The following FOXO3 variants were observed in gnomAD, a reference collection of about 807,000 sequenced individuals.
FOXO3 encodes the protein forkhead box O3, also known as forkhead box protein O3.
In FOXO3, 4 loss-of-function variants were observed where a neutral mutation model predicts 41.9. The ratio of observed to expected loss-of-function variants is 0.10; its 90% CI spans 0.05 to 0.22. FOXO3 has a LOEUF of 0.22. Among genes scored for constraint, FOXO3 ranks in the 10% least tolerant of loss-of-function variants. The pLI, the probability that FOXO3 is intolerant of heterozygous loss-of-function variation, is 1.00. For synonymous variants in FOXO3, 318 were observed against 389.3 expected (o/e 0.82, Z 2.16); for missense variants, 534 against 906.8 (o/e 0.59, Z 5.28).
chr6:108,571,495 A>G (rs1364024762), intron 1 of FOXO3, among the ~76,000 whole-genome samples: 1 of 152,224 alleles, frequency 6.6e-6, no homozygotes, highest in Non-Finnish European at 1.5e-5. Flanking sequence ...AAGTGAAGTC[A>G]TATCGGCTTA....
At chr6:108,637,392 C>T (rs1405521554) in intron 1 of FOXO3, among the ~76,000 whole-genome samples, 1 of 152,112 alleles carries the variant, frequency 6.6e-6, no homozygotes, top group Non-Finnish European at 1.5e-5. Flanking sequence ...CCTGCTTAAC[C>T]TTATTACAGC....
At position 108,618,247 on chromosome 6, in the gene FOXO3, C is replaced by T. The variant is rs757119071; in HGVS notation, c.622-45208C>T. 188 of 788,610 alleles carry T rather than the reference C, an allele frequency of 2.4e-4. 1 individual carries two copies. Among genetic ancestry groups the T allele is most frequent in the Non-Finnish European group, 3.7e-4 (164 of 438,756 alleles). The allele number at this position is 788,610 out of a possible 1,614,324, so 48.9% of individuals were successfully genotyped here. A position where few individuals can be genotyped will look rare whatever the true frequency, so the allele number is the denominator to read the frequency against. On this transcript the variant is annotated intron_variant, in intron 1 of 2. Coordinates refer to ENST00000406360, the MANE Select transcript of FOXO3 (RefSeq NM_001455.4). The stretch of plus-strand genomic sequence containing the variant: ...CCACCTTCAAATTAATATGATTGTT[C>T]TTAGTCTTGACTCCTTCCTGGGGCT...
At chr6:108,608,939 G>A (rs1007670695) in intron 1 of FOXO3, among the ~76,000 whole-genome samples, 4 of 152,180 alleles carry the variant, frequency 2.6e-5, no homozygotes, top group African/African-American at 9.7e-5. Context: ...TTAATGCTCA[G>A]CAGTATAGAA....
chr6:108,654,137 A>C (rs1399834850), intron 1 of FOXO3, among the ~76,000 whole-genome samples: 1 of 151,626 alleles, frequency 6.6e-6, no homozygotes, highest in East Asian at 1.9e-4. Context: ...GTTTGTGGGG[A>C]GGGGCAGGAT....
At chr6:108,607,008 G>A (rs547005856) in intron 1 of FOXO3, among the ~76,000 whole-genome samples, 2 of 152,186 alleles carry the variant, frequency 1.3e-5, no homozygotes, top group East Asian at 1.9e-4. Flanking sequence ...AGGATATTTC[G>A]GAGCAAGGTG....
intron 1 of FOXO3, among the ~76,000 whole-genome samples, chr6:108,629,037 C>A (rs1479616015): frequency 6.6e-6 from 1 of 152,158 alleles, no homozygotes; most frequent in East Asian, 1.9e-4. Context: ...CGAGCAAGTT[C>A]TGTAACCTCT....
At chr6:108,569,987 GTTTTTTTTTTTTTTTT>G (rs71015551) in intron 1 of FOXO3, among the ~76,000 whole-genome samples, 4 of 73,246 alleles carry the variant, frequency 5.5e-5, no homozygotes, top group Admixed American at 1.7e-4. Context: ...CCCTTGCGTG[GTTTTTTTTTTTTTTTT>G]TTTTTTTTTT....
At chr6:108,598,086 T>C (rs1776938711) in intron 1 of FOXO3, among the ~76,000 whole-genome samples, 1 of 152,166 alleles carries the variant, frequency 6.6e-6, no homozygotes, top group Non-Finnish European at 1.5e-5. Flanking sequence ...GAGTTTGAGG[T>C]TCCAGTGATT....
chr6:108,609,636 C>G (rs886968723), intron 1 of FOXO3, among the ~76,000 whole-genome samples: 5 of 152,190 alleles, frequency 3.3e-5, no homozygotes, highest in Non-Finnish European at 4.4e-5. Flanking sequence ...CGCTGCATCT[C>G]TCTTTGTATA....
intron 1 of FOXO3, among the ~76,000 whole-genome samples, chr6:108,638,728 GT>G (rs2082444564): frequency 6.6e-6 from 1 of 152,168 alleles, no homozygotes; most frequent in African/African-American, 2.4e-5. Flanking sequence ...TTACCTTGCA[GT>G]TTGTTTTCTG....
At chr6:108,673,901 A>G (rs1770465560) in intron 2 of FOXO3, among the ~76,000 whole-genome samples, 1 of 152,186 alleles carries the variant, frequency 6.6e-6, no homozygotes, top group Non-Finnish European at 1.5e-5. Context: ...TATTGTTTTT[A>G]AAAGGTGAAT....
At position 108,561,506 on chromosome 6, in the gene FOXO3, G is replaced by A. The variant is rs1775785332; in HGVS notation, c.298G>A (p.Val100Met). ...GCTGCTCCTTGAGGACTCGGCCCGGGTGCTGGCACCCGGAGGGCAAGACCC... is the reference window on the plus strand; with the variant it reads ...GCTGCTCCTTGAGGACTCGGCCCGGATGCTGGCACCCGGAGGGCAAGACCC... Reference protein sequence around the residue: ...SGLLLEDSARVLAPGGQDPGS... With the variant: ...SGLLLEDSARMLAPGGQDPGS... The change falls in exon 1 of 3, where the codon GTG (valine) becomes ATG (methionine). Residue 100 changes from valine (V) to methionine (M), a missense_variant. Physicochemically the swap from Val to Met is conservative, Grantham distance 21 (BLOSUM62 1). Around this residue, in one of 8 missense-constraint regions of FOXO3, gnomAD observed 139 missense variants for 163.7 expected, o/e 0.85. Transcript: ENST00000406360. The A allele has an allele frequency of 2.8e-6, 4 of 1,454,390 alleles. No individual in the cohort carries two copies. The highest frequency in any genetic ancestry group is 3.6e-6 in the Non-Finnish European group (4 of 1,110,240). The allele number at this position is 1,454,390 out of a possible 1,614,324, so 90.1% of individuals were successfully genotyped here. A position where few individuals can be genotyped will look rare whatever the true frequency, so the allele number is the denominator to read the frequency against.
chr6:108,670,260 G>A (rs190304586), intron 2 of FOXO3, among the ~76,000 whole-genome samples: 1 of 152,174 alleles, frequency 6.6e-6, no homozygotes, highest in Admixed American at 6.5e-5. Context: ...CCTTGCAGGA[G>A]ACACCACCTG....
chr6:108,643,714 G>T (rs1211875492), intron 1 of FOXO3, among the ~76,000 whole-genome samples: 2 of 152,132 alleles, frequency 1.3e-5, no homozygotes, highest in African/African-American at 2.4e-5. Context: ...CCTTGTCCTT[G>T]CCCCAGCTAT....
At chr6:108,617,458 A>G in intron 1 of FOXO3, among the ~76,000 whole-genome samples, 1 of 152,230 alleles carries the variant, frequency 6.6e-6, no homozygotes, top group Middle Eastern at 3.4e-3. Context: ...AGAGAAAACT[A>G]TATAGGATTC....
chr6:108,621,486 G>GTACC, intron 1 of FOXO3, among the ~76,000 whole-genome samples: 1 of 152,322 alleles, frequency 6.6e-6, no homozygotes, highest in South Asian at 2.1e-4. Flanking sequence ...AGTGCATGAT[G>GTACC]TACCTCAGCT....
chr6:108,627,853 A>G (rs573693315), intron 1 of FOXO3, among the ~76,000 whole-genome samples: 31 of 152,278 alleles, frequency 2.0e-4, no homozygotes, highest in African/African-American at 7.0e-4. Flanking sequence ...TGGGCAGGTG[A>G]CTCAGTGACT....
intron 1 of FOXO3, among the ~76,000 whole-genome samples, chr6:108,577,467 C>T (rs1039422030): frequency 6.6e-6 from 1 of 152,182 alleles, no homozygotes; most frequent in Non-Finnish European, 1.5e-5. Context: ...CTAAAGAGGG[C>T]TTATTCCCCT....
At position 108,569,987 on chromosome 6, in the gene FOXO3, G is replaced by GTTTTTTTTTTTTTTTTTTTTTTTTTT. The variant is rs71015551; in HGVS notation, c.621+8163_621+8188dup. ...TCCACATCATGTTTTCCCTTGCGTG[G>GTTTTTTTTTTTTTTTTTTTTTTTTTT]TTTTTTTTTTTTTTTTTTTTTTTTT... On this transcript the variant is annotated intron_variant, in intron 1 of 2. Transcript: ENST00000406360. 4.1e-5 allele frequency among the ~76,000 whole-genome samples: 3 copies of GTTTTTTTTTTTTTTTTTTTTTTTTTT among 73,264 alleles called. 1 individual carries two copies. The highest frequency in any genetic ancestry group is 0.011 in the Middle Eastern group (1 of 90). The allele number at this position is 73,264 out of a possible 152,430, so 48.1% of individuals were successfully genotyped here.
Sources: allele counts gnomAD v4.1 joint callset (sites outside exome capture counted in the v4.1 genomes callset), GRCh38; gene constraint gnomAD v4.1.1; regional missense constraint gnomAD v4.1.1; transcripts MANE v1.5; gene names NCBI Gene and HGNC (gene_info 2026-07-23, HGNC 2026-07-21).